ZDHHC18: variants seen among roughly 807,000 people sequenced by gnomAD.
ZDHHC18 encodes zDHHC palmitoyltransferase 18, also known as palmitoyltransferase ZDHHC18.
ZDHHC18 carries 23 observed loss-of-function variants against 37.5 expected under a neutral mutation model. That is an observed-to-expected ratio of 0.61 (90% CI 0.44 to 0.87). The LOEUF (loss-of-function observed/expected upper bound fraction) is 0.87. Ranked by LOEUF, ZDHHC18 falls within the 40% of genes least tolerant of loss-of-function variation. The probability of loss-of-function intolerance (pLI) is 0.00; values close to 1 mark genes in which losing one functional copy is unlikely to be tolerated. For missense variants in ZDHHC18, 406 were observed against 525.6 expected (o/e 0.77, Z 2.22); for synonymous variants, 185 against 218.7 (o/e 0.85, Z 1.36).
At chr1:26,849,417 A>G (rs1018988262) in intron 3 of ZDHHC18, among the ~76,000 whole-genome samples, 23 of 152,200 alleles carry the variant, frequency 1.5e-4, no homozygotes, top group African/African-American at 5.5e-4. Flanking sequence ...CATAGTTCCC[A>G]GGGCAGTGAG....
At position 26,852,840 on chromosome 1, in the gene ZDHHC18, G is replaced by T; in HGVS notation, c.1024G>T (p.Val342Leu). The T allele has an allele frequency of 6.2e-7, 1 of 1,614,026 alleles. No individual in the cohort carries two copies. The highest frequency in any genetic ancestry group is 8.5e-7 in the Non-Finnish European group (1 of 1,179,948). The change falls in exon 7 of 8, where the codon GTG (valine) becomes TTG (leucine). Residue 342 changes from valine (V) to leucine (L), a missense_variant. Physicochemically the swap from Val to Leu is conservative, Grantham distance 32 (BLOSUM62 1). Transcript: ENST00000374142. ...HKSIITNCCA[V>L]LCGPLPPSLI... ...AAGTATTATCACCAACTGCTGTGCT[G>T]TGCTCTGTGGCCCCCTACCTCCCAG...
In ZDHHC18 at chr1:26,848,632, G is replaced by A. The variant is rs763214274; in HGVS notation, c.521G>A (p.Arg174Gln). The A allele has an allele frequency of 1.2e-5, 20 of 1,613,452 alleles. No homozygotes were observed. Among genetic ancestry groups the A allele is most frequent in the African/African-American group, 8.0e-5 (6 of 74,888 alleles). The change falls in exon 3 of 8, where the codon CGG (arginine) becomes CAG (glutamine). Residue 174 changes from arginine to glutamine, a missense_variant. Physicochemically the swap from Arg to Gln is conservative, Grantham distance 43. Coordinates refer to ENST00000374142, the MANE Select transcript of ZDHHC18 (RefSeq NM_032283.3). Reference protein sequence around the residue: ...QIDNTGSSTYRPPPRTREVLI... With the variant: ...QIDNTGSSTYQPPPRTREVLI... ...GACAACACAGGCAGTTCTACATACCGGCCACCCCCTCGGACCCGGGAGGTG... is the reference window on the plus strand; with the variant it reads ...GACAACACAGGCAGTTCTACATACCAGCCACCCCCTCGGACCCGGGAGGTG...
chr1:26,826,779 C>G lies in ZDHHC18; in HGVS notation c.-26C>G. 1.0e-6 allele frequency: 1 copy of G among 971,438 alleles called. No homozygotes were observed. Among genetic ancestry groups the G allele is most frequent in the South Asian group, 4.6e-5 (1 of 21,930 alleles). 60.2% of individuals were successfully genotyped at this position (971,438 alleles called of 1,614,324 possible). A position where few individuals can be genotyped will look rare whatever the true frequency, so the allele number is the denominator to read the frequency against. On this transcript the variant is annotated 5_prime_UTR_variant, in exon 1 of 8. Transcript: ENST00000374142. This position sits in a 1 kb window ranked among gnomAD's most constrained non-coding sequence, Gnocchi z 5.2. ...AGTGGCCCGGCCGGCCCGCGGGGCG[C>G]GGAGCCGAGGCCCGCGGCTGGCTGC...
rs2081719870 is a variant in ZDHHC18, at chr1:26,853,857, C to T, written c.*14C>T. On this transcript the variant is annotated 3_prime_UTR_variant, in exon 8 of 8. Coordinates refer to ENST00000374142, the MANE Select transcript of ZDHHC18 (RefSeq NM_032283.3). Reference sequence around the variant, plus strand: ...GGCCACCCCTGACCACGGCTCAGTACTTGCCACCTGCTGGCCTGTCTGACC... The same window carrying T: ...GGCCACCCCTGACCACGGCTCAGTATTTGCCACCTGCTGGCCTGTCTGACC... The T allele has an allele frequency of 6.2e-7, 1 of 1,610,502 alleles. No individual in the cohort carries two copies. Among genetic ancestry groups the T allele is most frequent in the African/African-American group, 1.3e-5 (1 of 75,004 alleles).
At chr1:26,842,173 G>A (rs1340882769) in intron 2 of ZDHHC18, among the ~76,000 whole-genome samples, 4 of 149,648 alleles carry the variant, frequency 2.7e-5, no homozygotes, top group East Asian at 2.0e-4. Context: ...GACAGGGTCC[G>A]CCTTTATTGC....
At position 26,827,157 on chromosome 1, in the gene ZDHHC18, G is replaced by A; in HGVS notation, c.335+18G>A. The A allele has an allele frequency of 1.5e-6, 2 of 1,372,546 alleles. No individual in the cohort carries two copies. The highest frequency in any genetic ancestry group is 1.5e-5 in the African/African-American group (1 of 66,322). The allele number at this position is 1,372,546 out of a possible 1,614,324, so 85.0% of individuals were successfully genotyped here. On this transcript the variant is annotated intron_variant, in intron 1 of 7. Transcript: ENST00000374142. ...GTCTTTGAGTGAGTTCCGCTGCCTC[G>A]GCGCCCCCTCCCAGCCCCCTGCCGC...
At chr1:26,828,930 A>G (rs1480970164) in intron 1 of ZDHHC18, among the ~76,000 whole-genome samples, 2 of 152,178 alleles carry the variant, frequency 1.3e-5, no homozygotes, top group East Asian at 3.9e-4. Context: ...GTTGACCCAC[A>G]TGACCCTGCA....
At chr1:26,828,022 G>A (rs1309238875) in intron 1 of ZDHHC18, among the ~76,000 whole-genome samples, 2 of 152,178 alleles carry the variant, frequency 1.3e-5, no homozygotes, top group African/African-American at 2.4e-5. Flanking sequence ...GTGCTTTCGT[G>A]TGACAGGTCA....
intron 1 of ZDHHC18, among the ~76,000 whole-genome samples, chr1:26,828,863 T>C (rs756310672): frequency 6.6e-6 from 1 of 152,032 alleles, no homozygotes; most frequent in Non-Finnish European, 1.5e-5. Flanking sequence ...TGGGCTGCCC[T>C]CTCAGTCCCC....
chr1:26,841,380 T>G (rs1293296184), intron 2 of ZDHHC18, among the ~76,000 whole-genome samples: 1 of 152,218 alleles, frequency 6.6e-6, no homozygotes, highest in Non-Finnish European at 1.5e-5. Context: ...GCAATCCTCC[T>G]GCTTCAGCCT....
intron 2 of ZDHHC18, among the ~76,000 whole-genome samples, chr1:26,844,765 C>T (rs992960628): frequency 1.3e-5 from 2 of 152,118 alleles, no homozygotes; most frequent in Non-Finnish European, 2.9e-5. Flanking sequence ...ATTTGCATTT[C>T]CTCGCTGACT....
chr1:26,835,578 G>A (rs1360842485), intron 2 of ZDHHC18, among the ~76,000 whole-genome samples: 1 of 152,124 alleles, frequency 6.6e-6, no homozygotes, highest in East Asian at 1.9e-4. Context: ...GCGTGTGCCT[G>A]TAATCCCAGC....
chr1:26,834,360 G>A (rs2081602039), intron 2 of ZDHHC18, among the ~76,000 whole-genome samples: 1 of 152,186 alleles, frequency 6.6e-6, no homozygotes, highest in Non-Finnish European at 1.5e-5. Flanking sequence ...ATGGAGAAAC[G>A]GAGGCAGGTG....
intron 2 of ZDHHC18, among the ~76,000 whole-genome samples, chr1:26,835,106 G>T (rs1235782075): frequency 6.6e-6 from 1 of 152,228 alleles, no homozygotes; most frequent in Non-Finnish European, 1.5e-5. Flanking sequence ...AGCCCTTCAG[G>T]CAGACAAAGC....
intron 2 of ZDHHC18, among the ~76,000 whole-genome samples, chr1:26,843,079 C>T (rs940078405): frequency 4.6e-5 from 7 of 151,876 alleles, no homozygotes; most frequent in Non-Finnish European, 8.8e-5. Flanking sequence ...CCTGCTCTGC[C>T]GATATACCAG....
chr1:26,853,521 T>C (rs2081717491), intron 7 of ZDHHC18, among the ~76,000 whole-genome samples: 1 of 152,248 alleles, frequency 6.6e-6, no homozygotes, highest in Non-Finnish European at 1.5e-5. Context: ...ATAAATTCTG[T>C]GGCCAAAAGC....
intron 2 of ZDHHC18, among the ~76,000 whole-genome samples, chr1:26,840,426 G>T (rs572806420): frequency 6.6e-6 from 1 of 152,264 alleles, no homozygotes; most frequent in South Asian, 2.1e-4. Context: ...CCCCTGAGAT[G>T]GACTCAATGA....
At chr1:26,843,810 T>A (rs2081650245) in intron 2 of ZDHHC18, among the ~76,000 whole-genome samples, 1 of 151,520 alleles carries the variant, frequency 6.6e-6, no homozygotes, top group Non-Finnish European at 1.5e-5. Flanking sequence ...GGTATAGAAA[T>A]TTTAAGTGTT....
intron 1 of ZDHHC18, among the ~76,000 whole-genome samples, chr1:26,829,176 C>T (rs1208190004): frequency 6.6e-6 from 1 of 152,108 alleles, no homozygotes; most frequent in African/African-American, 2.4e-5. Context: ...ACTGGATGCT[C>T]CCCATTGCTC....
Sources: allele counts gnomAD v4.1 joint callset (sites outside exome capture counted in the v4.1 genomes callset), GRCh38; gene constraint gnomAD v4.1.1; non-coding constraint Gnocchi (gnomAD v3.1); transcripts MANE v1.5; gene names NCBI Gene and HGNC (gene_info 2026-07-23, HGNC 2026-07-21).